Variants in RAPGEF4 observed in about 807,000 individuals in gnomAD.
RAPGEF4 encodes the protein Rap guanine nucleotide exchange factor 4, also known as RAP guanine-nucleotide-exchange factor (GEF) 4.
Under a neutral mutation model 147.9 loss-of-function variants are expected in RAPGEF4, and 66 were observed. The observed-to-expected ratio is 0.45, with a 90% confidence interval of 0.37 to 0.55. The LOEUF (loss-of-function observed/expected upper bound fraction) is 0.55. RAPGEF4 is among the 20% of genes least tolerant of loss of function. The pLI, the probability that RAPGEF4 is intolerant of heterozygous loss-of-function variation, is 0.00. For missense variants in RAPGEF4, 1,071 were observed against 1,257.3 expected (o/e 0.85, Z 2.24); for synonymous variants, 419 against 442.7 (o/e 0.95, Z 0.67).
intron 4 of RAPGEF4, among the ~76,000 whole-genome samples, chr2:172,914,777 A>G (rs1159167136): frequency 1.3e-5 from 2 of 152,200 alleles, no homozygotes; most frequent in Admixed American, 1.3e-4. Flanking sequence ...CATTCTCACC[A>G]ATAGTGTATT....
intron 10 of RAPGEF4, among the ~76,000 whole-genome samples, chr2:172,981,073 C>T (rs1691631291): frequency 6.6e-6 from 1 of 152,164 alleles, no homozygotes; most frequent in Admixed American, 6.5e-5. Context: ...TGAATATGTC[C>T]AGATTTTAGA....
Position 172,903,317 on chromosome 2 carries a change from G to A in RAPGEF4, c.445-14485G>A, listed in dbSNP as rs543136075. On this transcript the variant is annotated intron_variant, in intron 4 of 30. Transcript: ENST00000397081. ...CTGGGAGGAGGAGCTTGCAGTGAGC[G>A]GAGATTGCGCCACTGCACTCCAGAC... 4.7e-5 allele frequency among the ~76,000 whole-genome samples: 7 copies of A among 148,340 alleles called. No homozygotes were observed. The East Asian group carries it at 1.4e-3, about 30-fold the overall frequency.
At chr2:173,019,086 AG>A (rs1371715436) in intron 22 of RAPGEF4, among the ~76,000 whole-genome samples, 1 of 152,188 alleles carries the variant, frequency 6.6e-6, no homozygotes, top group Non-Finnish European at 1.5e-5. Flanking sequence ...TATTCAAAAA[AG>A]TTTTAGGCCT....
intron 17 of RAPGEF4, among the ~76,000 whole-genome samples, chr2:173,014,063 G>A (rs1000912669): frequency 1.3e-5 from 2 of 152,088 alleles, no homozygotes; most frequent in African/African-American, 2.4e-5. Flanking sequence ...ACAGAGATTC[G>A]GGCAGAATTT....
At chr2:172,910,561 C>G (rs1699993636) in intron 4 of RAPGEF4, among the ~76,000 whole-genome samples, 1 of 152,202 alleles carries the variant, frequency 6.6e-6, no homozygotes. Flanking sequence ...AAAGGGATGC[C>G]TTGCCCGTGC....
intron 4 of RAPGEF4, among the ~76,000 whole-genome samples, chr2:172,877,969 T>C (rs1696157790): frequency 6.6e-6 from 1 of 152,196 alleles, no homozygotes; most frequent in Non-Finnish European, 1.5e-5. Context: ...TAGAGGCAAA[T>C]AAACTCTAAG....
intron 14 of RAPGEF4, among the ~76,000 whole-genome samples, chr2:172,990,017 C>CAAAAAAAAAAAA (rs10689863): frequency 7.8e-6 from 1 of 128,936 alleles, no homozygotes; most frequent in East Asian, 2.1e-4. Flanking sequence ...GGTCTTAATG[C>CAAAAAAAAAAAA]AAAAAAAAAA....
chr2:172,902,110 A>G (rs753356025), intron 4 of RAPGEF4, among the ~76,000 whole-genome samples: 4 of 152,114 alleles, frequency 2.6e-5, no homozygotes, highest in Admixed American at 2.0e-4. Context: ...CTTCAGGAGG[A>G]AAACTTCGTG....
At chr2:173,005,534 T>G (rs111443206) in intron 17 of RAPGEF4, among the ~76,000 whole-genome samples, 1 of 133,604 alleles carries the variant, frequency 7.5e-6, no homozygotes. Context: ...TTTTTTTTTT[T>G]TTTTTTTGAG....
At chr2:172,985,174 A>G (rs180929080) in intron 11 of RAPGEF4, among the ~76,000 whole-genome samples, 101 of 152,330 alleles carry the variant, frequency 6.6e-4, no homozygotes, top group African/African-American at 2.2e-3. Flanking sequence ...AGGTGGGACC[A>G]TGTTTGAAAC....
At chr2:172,989,115 G>A (rs1692570188) in intron 14 of RAPGEF4, among the ~76,000 whole-genome samples, 1 of 152,172 alleles carries the variant, frequency 6.6e-6, no homozygotes, top group South Asian at 2.1e-4. Context: ...ACGATAAATA[G>A]GAATTGCCTT....
chr2:173,017,280 T>C, intron 20 of RAPGEF4, 76 bp downstream of exon 20: 3 of 1,522,486 alleles, frequency 2.0e-6, no homozygotes, highest in East Asian at 2.3e-5. Flanking sequence ...TATTGCAGTA[T>C]ACATAAAAGT....
At chr2:172,949,422 G>T (rs936810290) in intron 6 of RAPGEF4, among the ~76,000 whole-genome samples, 2 of 152,116 alleles carry the variant, frequency 1.3e-5, no homozygotes, top group African/African-American at 4.8e-5. Context: ...GGATATGACT[G>T]GTGTCTGGCG....
chr2:172,746,922 A>G (rs1694825969), intron 1 of RAPGEF4, among the ~76,000 whole-genome samples: 1 of 152,130 alleles, frequency 6.6e-6, no homozygotes, highest in Non-Finnish European at 1.5e-5. Flanking sequence ...CAGAAATATT[A>G]CTTATAAATT....
chr2:172,977,546 G>A (rs1012453204), intron 10 of RAPGEF4, among the ~76,000 whole-genome samples: 1 of 151,978 alleles, frequency 6.6e-6, no homozygotes, highest in African/African-American at 2.4e-5. Flanking sequence ...CCGAGAGGCT[G>A]GGCTGGTTTC....
At chr2:173,048,377 G>A (rs1685765511) in intron 29 of RAPGEF4, 2 of 939,978 alleles carry the variant, frequency 2.1e-6, no homozygotes, top group Non-Finnish European at 1.5e-6. Flanking sequence ...TGAGAGTTAT[G>A]CCATTAATAT....
intron 4 of RAPGEF4, among the ~76,000 whole-genome samples, chr2:172,870,922 T>C (rs909919818): frequency 1.3e-5 from 2 of 152,244 alleles, no homozygotes; most frequent in African/African-American, 4.8e-5. Context: ...AAAAGAGGTA[T>C]AGCACCTTTA....
At chr2:172,919,625 C>T (rs1034199100) in intron 5 of RAPGEF4, among the ~76,000 whole-genome samples, 2 of 152,174 alleles carry the variant, frequency 1.3e-5, no homozygotes, top group Non-Finnish European at 2.9e-5. Flanking sequence ...TTTCCTGCAA[C>T]TGATACAAAC....
Position 172,821,737 on chromosome 2 carries a change from T to TAAA in RAPGEF4, c.444+7334_444+7336dup, listed in dbSNP as rs35414922. On this transcript the variant is annotated intron_variant, in intron 4 of 30. Coordinates refer to ENST00000397081, the MANE Select transcript of RAPGEF4 (RefSeq NM_007023.4). ...GAAGTTATTAGGAGCTAACTAAAGT[T>TAAA]AAAAAAAAAAAAAAAAAAAAAAAAG... 6.3e-3 allele frequency: 5,095 copies of TAAA among 812,988 alleles called. 29 individuals are homozygous for TAAA. Among genetic ancestry groups the TAAA allele is most frequent in the African/African-American group, 0.032 (1,206 of 37,684 alleles). The allele number at this position is 812,988 out of a possible 1,614,324, so 50.4% of individuals were successfully genotyped here. A position where few individuals can be genotyped will look rare whatever the true frequency, so the allele number is the denominator to read the frequency against.
Sources: allele counts gnomAD v4.1 joint callset (sites outside exome capture counted in the v4.1 genomes callset), GRCh38; gene constraint gnomAD v4.1.1; transcripts MANE v1.5; gene names NCBI Gene and HGNC (gene_info 2026-07-23, HGNC 2026-07-21).